Variants in ARHGAP15 observed in about 807,000 individuals in gnomAD.
ARHGAP15 encodes rho GTPase-activating protein 15.
A neutral mutation model predicts 63.7 loss-of-function variants in ARHGAP15; 51 were observed. The observed-to-expected ratio is 0.80, with a 90% CI of 0.64 to 1.01. The LOEUF is 1.01. ARHGAP15 is among the 50% of genes least tolerant of loss of function. ARHGAP15 has a pLI of 0.00. For missense variants in ARHGAP15, 560 were observed against 564.6 expected, an observed-to-expected ratio of 0.99 and a Z score of 0.08; for synonymous variants, 191 against 193.8, an observed-to-expected ratio of 0.99 and a Z score of 0.12.
intron 8 of ARHGAP15, among the ~76,000 whole-genome samples, chr2:143,468,641 AGAGAG>A (rs773261481): frequency 0.013 from 1,443 of 112,232 alleles, 14 homozygotes; most frequent in Non-Finnish European, 0.018. Flanking sequence ...TGTGAGAGAG[AGAGAG>A]AGAGAGAGAG....
chr2:143,575,135 T>C (rs565810192), intron 11 of ARHGAP15, among the ~76,000 whole-genome samples: 14 of 152,290 alleles, frequency 9.2e-5, no homozygotes, highest in African/African-American at 3.1e-4. Flanking sequence ...CTAGTGAAAA[T>C]TCTTACCTTG....
intron 2 of ARHGAP15, among the ~76,000 whole-genome samples, chr2:143,185,180 A>G (rs180678348): frequency 8.3e-4 from 126 of 152,300 alleles, no homozygotes; most frequent in African/African-American, 2.9e-3. Flanking sequence ...ATTGAGTTTA[A>G]TATTTATCCC....
intron 6 of ARHGAP15, among the ~76,000 whole-genome samples, chr2:143,408,860 G>C (rs1688324396): frequency 1.3e-5 from 2 of 151,696 alleles, no homozygotes; most frequent in South Asian, 4.1e-4. Context: ...ATTTTCTGTG[G>C]TTTGGGAAGG....
At chr2:143,575,937 G>T (rs1331952155) in intron 11 of ARHGAP15, among the ~76,000 whole-genome samples, 1 of 151,962 alleles carries the variant, frequency 6.6e-6, no homozygotes, top group African/African-American at 2.4e-5. Flanking sequence ...GGCAGAGAGT[G>T]GAATACTCAA....
At chr2:143,232,476 C>A (rs543069213) in intron 5 of ARHGAP15, among the ~76,000 whole-genome samples, 17 of 152,214 alleles carry the variant, frequency 1.1e-4, no homozygotes, top group Admixed American at 9.8e-4. Flanking sequence ...TTCATATTCT[C>A]ATATTTTTAA....
intron 8 of ARHGAP15, among the ~76,000 whole-genome samples, chr2:143,446,774 C>T (rs964651928): frequency 7.1e-5 from 9 of 125,946 alleles, no homozygotes; most frequent in African/African-American, 2.7e-4. Flanking sequence ...GCTATCCCTC[C>T]CCCCTCCCCC....
chr2:143,583,103 C>T (rs925481463), intron 11 of ARHGAP15, among the ~76,000 whole-genome samples: 1 of 152,094 alleles, frequency 6.6e-6, no homozygotes, highest in African/African-American at 2.4e-5. Context: ...CCTGATCTTG[C>T]TAAAGGGGCA....
chr2:143,387,952 A>C (rs1257785595), intron 6 of ARHGAP15, among the ~76,000 whole-genome samples: 1 of 151,760 alleles, frequency 6.6e-6, no homozygotes, highest in Non-Finnish European at 1.5e-5. Context: ...TACACACACA[A>C]GCAAATGATA....
At chr2:143,368,174 A>G (rs951898499) in intron 6 of ARHGAP15, among the ~76,000 whole-genome samples, 5 of 152,136 alleles carry the variant, frequency 3.3e-5, no homozygotes, top group African/African-American at 1.2e-4. Context: ...AATTTGAGGC[A>G]AATAAAAATG....
intron 5 of ARHGAP15, among the ~76,000 whole-genome samples, chr2:143,248,328 A>T (rs1011651469): frequency 1.3e-5 from 2 of 152,200 alleles, no homozygotes; most frequent in African/African-American, 4.8e-5. Context: ...TAAAGGACCT[A>T]CGGCAAGATC....
At chr2:143,442,651 T>G (rs970256969) in intron 8 of ARHGAP15, among the ~76,000 whole-genome samples, 1 of 152,138 alleles carries the variant, frequency 6.6e-6, no homozygotes, top group Non-Finnish European at 1.5e-5. Flanking sequence ...ATGTTCTTTG[T>G]AAAAAGTATG....
At chr2:143,563,001 A>G (rs1559052509) in intron 11 of ARHGAP15, among the ~76,000 whole-genome samples, 1 of 152,230 alleles carries the variant, frequency 6.6e-6, no homozygotes, top group Non-Finnish European at 1.5e-5. Context: ...ATTATGTACC[A>G]ACCAATAATG....
chr2:143,539,719 G>C (rs1206460155), intron 10 of ARHGAP15, among the ~76,000 whole-genome samples: 1 of 152,036 alleles, frequency 6.6e-6, no homozygotes, highest in African/African-American at 2.4e-5. Context: ...CTGAGTTCTA[G>C]TTTGATTGCA....
chr2:143,716,389 T>C (rs187599594), intron 13 of ARHGAP15, among the ~76,000 whole-genome samples: 1 of 152,312 alleles, frequency 6.6e-6, no homozygotes, highest in African/African-American at 2.4e-5. Flanking sequence ...CTGGGATTAG[T>C]AGCAGATCTT....
intron 13 of ARHGAP15, 88 bp from the exon 14 acceptor site, chr2:143,767,901 A>T (rs2072973365): frequency 5.6e-6 from 7 of 1,258,326 alleles, no homozygotes; most frequent in Non-Finnish European, 5.5e-6. Flanking sequence ...ACTTTTCCTG[A>T]ATGAGAAACC....
chr2:143,515,610 T>G (rs1455748461), intron 9 of ARHGAP15, among the ~76,000 whole-genome samples: 1 of 152,228 alleles, frequency 6.6e-6, no homozygotes. Flanking sequence ...ACAAATCTTT[T>G]GCTATATAGT....
chr2:143,218,623 C>T (rs1157630047), intron 4 of ARHGAP15, among the ~76,000 whole-genome samples: 2 of 152,240 alleles, frequency 1.3e-5, no homozygotes, highest in African/African-American at 4.8e-5. Flanking sequence ...TTACTACTTT[C>T]ATTCAATGTT....
chr2:143,328,530 A>G (rs1370412840), intron 6 of ARHGAP15, among the ~76,000 whole-genome samples: 1 of 152,186 alleles, frequency 6.6e-6, no homozygotes, highest in African/African-American at 2.4e-5. Flanking sequence ...TGGGACTTGA[A>G]CAATGAGAAC....
intron 9 of ARHGAP15, among the ~76,000 whole-genome samples, chr2:143,501,165 G>T (rs1451565013): frequency 2.0e-5 from 3 of 152,182 alleles, no homozygotes; most frequent in African/African-American, 7.2e-5. Context: ...AATATGGTGA[G>T]ATTCCGAATA....
Sources: allele counts gnomAD v4.1 joint callset (sites outside exome capture counted in the v4.1 genomes callset), GRCh38; gene constraint gnomAD v4.1.1; transcripts MANE v1.5; gene names NCBI Gene and HGNC (gene_info 2026-07-23, HGNC 2026-07-21).